The following CNTNAP5 variants were observed in gnomAD, a reference collection of about 807,000 sequenced individuals.
CNTNAP5 encodes contactin associated protein family member 5.
Under a neutral mutation model 150.2 loss-of-function variants are expected in CNTNAP5, and 72 were observed. The ratio of observed to expected loss-of-function variants is 0.48; its 90% CI spans 0.40 to 0.58. The LOEUF (loss-of-function observed/expected upper bound fraction) is 0.58. Ranked by LOEUF, CNTNAP5 falls within the 20% of genes least tolerant of loss-of-function variation. The probability of loss-of-function intolerance (pLI) is 0.00; values close to 1 mark genes in which losing one functional copy is unlikely to be tolerated. For missense variants in CNTNAP5, 1,636 were observed against 1,626.2 expected (o/e 1.01, Z -0.10); for synonymous variants, 672 against 619.8 (o/e 1.08, Z -1.25).
intron 14 of CNTNAP5, among the ~76,000 whole-genome samples, chr2:124,755,712 A>T (rs1260573171): frequency 2.0e-5 from 3 of 152,194 alleles, no homozygotes; most frequent in African/African-American, 7.2e-5. Flanking sequence ...TAGCAGAAGG[A>T]GAAATAATTC....
chr2:124,282,612 G>C (rs1232159603), intron 3 of CNTNAP5, among the ~76,000 whole-genome samples: 1 of 148,224 alleles, frequency 6.7e-6, no homozygotes, highest in Non-Finnish European at 1.5e-5. Context: ...ACTTCTTCAG[G>C]TGAAGGACTT....
rs564593134 is a variant in CNTNAP5, at chr2:124,209,940, G to C, written c.83-11765G>C. ...AGGTGATGTGCGGGCATTCAAGACA[G>C]AGTCAAATATAAACACAGCCAATAA... On this transcript the variant is annotated intron_variant, in intron 1 of 23. Transcript: ENST00000682447. Among the ~76,000 whole-genome samples, 30 of 152,316 alleles carry C rather than the reference G, an allele frequency of 2.0e-4. No individual in the cohort carries two copies. In the South Asian group the frequency reaches 6.2e-3, roughly 32 times the overall value.
At chr2:124,821,370 C>T (rs1344264045) in intron 19 of CNTNAP5, among the ~76,000 whole-genome samples, 2 of 152,176 alleles carry the variant, frequency 1.3e-5, no homozygotes, top group African/African-American at 2.4e-5. Flanking sequence ...ACTGCTCAAA[C>T]GGCAGCAGGC....
At chr2:124,892,866 G>A (rs1355181771) in intron 21 of CNTNAP5, among the ~76,000 whole-genome samples, 1 of 152,088 alleles carries the variant, frequency 6.6e-6, no homozygotes, top group Non-Finnish European at 1.5e-5. Context: ...AGGCGTTGAA[G>A]ACTTTTAAAA....
In CNTNAP5 at chr2:124,407,762, T is replaced by C. The variant is rs187319891; in HGVS notation, c.382-9681T>C. ...TTAATTTTTAGTTTTTTCCTCTCTG[T>C]AATATGAGTTGCAATCTTCCCTACT... On this transcript the variant is annotated intron_variant, in intron 3 of 23. Coordinates refer to ENST00000682447, the MANE Select transcript of CNTNAP5 (RefSeq NM_001367498.1). 4.1e-4 allele frequency among the ~76,000 whole-genome samples: 62 copies of C among 152,330 alleles called. 1 individual carries two copies. Among genetic ancestry groups the C allele is most frequent in the Admixed American group, 9.8e-4 (15 of 15,298 alleles).
intron 1 of CNTNAP5, among the ~76,000 whole-genome samples, chr2:124,147,099 A>T (rs143564266): frequency 7.3e-4 from 111 of 152,330 alleles, no homozygotes; most frequent in African/African-American, 2.5e-3. Context: ...AATGTGCAGG[A>T]TACAGAGCTT....
chr2:124,314,311 C>G (rs1464143305), intron 3 of CNTNAP5, among the ~76,000 whole-genome samples: 1 of 152,138 alleles, frequency 6.6e-6, no homozygotes, highest in Non-Finnish European at 1.5e-5. Context: ...GGAAACATAG[C>G]TCAAATTCAA....
At chr2:124,310,937 G>C (rs1024539642) in intron 3 of CNTNAP5, among the ~76,000 whole-genome samples, 1 of 152,042 alleles carries the variant, frequency 6.6e-6, no homozygotes, top group Non-Finnish European at 1.5e-5. Flanking sequence ...GCCAGTCCTC[G>C]ACACTTTCAT....
intron 1 of CNTNAP5, among the ~76,000 whole-genome samples, chr2:124,082,121 G>A (rs1682571311): frequency 6.6e-6 from 1 of 151,940 alleles, no homozygotes; most frequent in African/African-American, 2.4e-5. Flanking sequence ...AGGCCGAGGC[G>A]GGTGGATCAC....
chr2:124,725,178 AT>A (rs559999766), intron 13 of CNTNAP5, among the ~76,000 whole-genome samples: 15 of 151,846 alleles, frequency 9.9e-5, no homozygotes, highest in Admixed American at 5.9e-4. Flanking sequence ...TGTGATGATG[AT>A]TTTTTTCTTT....
At chr2:124,622,939 T>G (rs1380531596) in intron 12 of CNTNAP5, among the ~76,000 whole-genome samples, 15 of 152,148 alleles carry the variant, frequency 9.9e-5, no homozygotes, top group Admixed American at 9.8e-4. Context: ...ACAACATGCA[T>G]TATGATGAAG....
chr2:124,220,193 C>T (rs1686268875), intron 1 of CNTNAP5, among the ~76,000 whole-genome samples: 1 of 151,570 alleles, frequency 6.6e-6, no homozygotes, highest in African/African-American at 2.4e-5. Context: ...CCTTTACTAC[C>T]ATGAAGTTTA....
At chr2:124,755,071 G>GT (rs567868235) in intron 14 of CNTNAP5, among the ~76,000 whole-genome samples, 12,819 of 149,448 alleles carry the variant, frequency 0.086, 661 homozygotes, top group Middle Eastern at 0.19. Context: ...ATTAAAGCAG[G>GT]TTTTTTTTTT....
intron 13 of CNTNAP5, among the ~76,000 whole-genome samples, chr2:124,713,238 TCTTTCTC>T (rs1217002328): frequency 2.4e-5 from 1 of 41,672 alleles, no homozygotes; most frequent in Admixed American, 2.3e-4. Flanking sequence ...TTTCTTTCTT[TCTTTCTC>T]TTTCTTTCTT....
At chr2:124,626,807 G>A (rs970534841) in intron 12 of CNTNAP5, among the ~76,000 whole-genome samples, 4 of 152,128 alleles carry the variant, frequency 2.6e-5, no homozygotes, top group Non-Finnish European at 4.4e-5. Context: ...AGAACCACTA[G>A]CTTGAAATCC....
chr2:124,766,683 A>G (rs1681075875), intron 16 of CNTNAP5, among the ~76,000 whole-genome samples: 1 of 152,190 alleles, frequency 6.6e-6, no homozygotes, highest in Non-Finnish European at 1.5e-5. Context: ...TGGATATAAT[A>G]ACTTCAATGT....
At chr2:124,276,019 G>GT (rs1327971588) in intron 3 of CNTNAP5, among the ~76,000 whole-genome samples, 5 of 151,890 alleles carry the variant, frequency 3.3e-5, no homozygotes, top group South Asian at 4.2e-4. Context: ...TTATTTGTTT[G>GT]TTTTTTTCCC....
intron 1 of CNTNAP5, among the ~76,000 whole-genome samples, chr2:124,046,083 G>A (rs1467401372): frequency 6.6e-6 from 1 of 152,186 alleles, no homozygotes. Context: ...AGGGAGGGGA[G>A]GAGGGGACAG....
chr2:124,860,445 TTCCTTCTTTCC>T (rs1558803787), intron 19 of CNTNAP5, among the ~76,000 whole-genome samples: 4 of 114,548 alleles, frequency 3.5e-5, no homozygotes, highest in African/African-American at 8.0e-5. Flanking sequence ...CCTTCCTTCC[TTCCTTCTTTCC>T]TTCCTTCCTT....
Sources: allele counts gnomAD v4.1 joint callset (sites outside exome capture counted in the v4.1 genomes callset), GRCh38; gene constraint gnomAD v4.1.1; transcripts MANE v1.5; gene names NCBI Gene and HGNC (gene_info 2026-07-23, HGNC 2026-07-21).